The following UTP4 variants were observed in gnomAD, a reference collection of about 807,000 sequenced individuals.
UTP4 encodes U3 small nucleolar RNA-associated protein 4 homolog.
A neutral mutation model predicts 82.4 loss-of-function variants in UTP4; 45 were observed. The observed-to-expected ratio is 0.55, with a 90% CI of 0.43 to 0.70. The LOEUF is 0.70. Among genes scored for constraint, UTP4 ranks in the 30% least tolerant of loss-of-function variants. The pLI is 0.00. For missense variants in UTP4, 819 were observed against 858.3 expected (o/e 0.95, Z 0.57); for synonymous variants, 348 against 300.3 (o/e 1.16, Z -1.64).
chr16:69,166,831 T>C, intron 15 of UTP4: 1 of 532,224 alleles, frequency 1.9e-6, no homozygotes, highest in Non-Finnish European at 3.4e-6. Context: ...CTCTACAGTG[T>C]GGCTGCAAGA....
chr16:69,161,691 G>T (rs902291602), intron 13 of UTP4, among the ~76,000 whole-genome samples: 1 of 152,084 alleles, frequency 6.6e-6, no homozygotes, highest in Admixed American at 6.6e-5. Context: ...TTTGAGACAG[G>T]GTTTCACTCT....
At chr16:69,133,269 A>C (rs1962697046) in intron 1 of UTP4, among the ~76,000 whole-genome samples, 189 bp from the exon 2 acceptor site, 1 of 151,854 alleles carries the variant, frequency 6.6e-6, no homozygotes, top group Admixed American at 6.6e-5. Context: ...CTTATTATTC[A>C]AGCCATTCTG....
In UTP4 at chr16:69,143,140, T is replaced by G. The variant is rs748977517; in HGVS notation, c.527-38T>G. The G allele has an allele frequency of 1.4e-5, 23 of 1,600,326 alleles. No individual in the cohort carries two copies. The South Asian group carries it at 2.4e-4, about 17-fold the overall frequency. ...CAGGCAGATTTTGAAGACAGAGAAATAAGTACCATTTGAAGGTGTGCTTTT... is the reference window on the plus strand; with the variant it reads ...CAGGCAGATTTTGAAGACAGAGAAAGAAGTACCATTTGAAGGTGTGCTTTT... On this transcript the variant is annotated intron_variant, in intron 5 of 16. Transcript: ENST00000314423.
intron 14 of UTP4, among the ~76,000 whole-genome samples, chr16:69,164,362 C>CT (rs931501380): frequency 6.6e-6 from 1 of 151,930 alleles, no homozygotes; most frequent in African/African-American, 2.4e-5. Flanking sequence ...CACTTAGTCC[C>CT]TTAAGTGCTT....
intron 12 of UTP4, among the ~76,000 whole-genome samples, chr16:69,158,704 G>A (rs745754133): frequency 3.3e-5 from 5 of 152,030 alleles, no homozygotes; most frequent in African/African-American, 9.7e-5. Flanking sequence ...TAGTCAAAAT[G>A]GTTTCTTCAC....
intron 13 of UTP4, among the ~76,000 whole-genome samples, chr16:69,162,842 A>G (rs1379505967): frequency 6.6e-6 from 1 of 151,736 alleles, no homozygotes; most frequent in Non-Finnish European, 1.5e-5. Flanking sequence ...TGAGCTGATT[A>G]TCACGCCACT....
At chr16:69,142,673 C>A (rs1962991242) in intron 5 of UTP4, among the ~76,000 whole-genome samples, 1 of 152,186 alleles carries the variant, frequency 6.6e-6, no homozygotes, top group African/African-American at 2.4e-5. Context: ...TAAGTCAGTG[C>A]CACTACTTGT....
intron 6 of UTP4, among the ~76,000 whole-genome samples, chr16:69,145,308 T>A (rs1286486990): frequency 2.0e-5 from 3 of 152,106 alleles, no homozygotes; most frequent in African/African-American, 7.2e-5. Flanking sequence ...TCTCCCAGGC[T>A]GGAGTGCAGT....
intron 16 of UTP4, 152 bp downstream of exon 16, chr16:69,167,337 C>T: frequency 3.0e-6 from 2 of 668,986 alleles, no homozygotes; most frequent in South Asian, 3.3e-5. Context: ...GGCTGGCTGT[C>T]CCTTGTATAT....
At chr16:69,135,637 G>C (rs1962791436) in intron 2 of UTP4, among the ~76,000 whole-genome samples, 1 of 152,150 alleles carries the variant, frequency 6.6e-6, no homozygotes, top group Non-Finnish European at 1.5e-5. Flanking sequence ...GATCGCTTGA[G>C]CTCAGGAGGT....
At chr16:69,144,058 T>A (rs1027760435) in intron 6 of UTP4, among the ~76,000 whole-genome samples, 1 of 151,762 alleles carries the variant, frequency 6.6e-6, no homozygotes, top group Admixed American at 6.6e-5. Context: ...CAGCTAATTT[T>A]TATATTTTTA....
chr16:69,155,806 T>C, intron 10 of UTP4, 65 bp from the exon 11 acceptor site: 1 of 1,591,032 alleles, frequency 6.3e-7, no homozygotes, highest in African/African-American at 1.3e-5. Context: ...TGAGGCGTCA[T>C]GTCCCAGTGC....
chr16:69,155,628 T>C (rs1158177236), intron 10 of UTP4, among the ~76,000 whole-genome samples: 1 of 152,196 alleles, frequency 6.6e-6, no homozygotes, highest in African/African-American at 2.4e-5. Context: ...AGGCTATCTA[T>C]GAAGTATTCA....
chr16:69,165,680 T>C, intron 15 of UTP4, 154 bp downstream of exon 15: 1 of 736,192 alleles, frequency 1.4e-6, no homozygotes. Flanking sequence ...GGAGAGGGGC[T>C]TTTGTTTTAC....
At chr16:69,160,526 T>C (rs771492582) in intron 13 of UTP4, 64 bp downstream of exon 13, 1 of 1,188,682 alleles carries the variant, frequency 8.4e-7, no homozygotes, top group Non-Finnish European at 1.3e-6. Flanking sequence ...ACCCTGCAGT[T>C]ACAAGATTCA....
chr16:69,155,793 G>A, intron 10 of UTP4, 78 bp from the exon 11 acceptor site: 1 of 1,512,736 alleles, frequency 6.6e-7, no homozygotes, highest in Non-Finnish European at 9.2e-7. Context: ...AGTGGCAAGA[G>A]CTTGAGGCGT....
intron 4 of UTP4, among the ~76,000 whole-genome samples, chr16:69,139,360 T>A (rs1273886944): frequency 1.3e-5 from 2 of 151,940 alleles, no homozygotes; most frequent in Non-Finnish European, 2.9e-5. Flanking sequence ...GTGTCTCAGC[T>A]GGGCACGATG....
At chr16:69,155,106 A>G (rs761876069) in intron 10 of UTP4, among the ~76,000 whole-genome samples, 3 of 152,206 alleles carry the variant, frequency 2.0e-5, no homozygotes, top group Admixed American at 6.5e-5. Flanking sequence ...AACTACATAC[A>G]TGTTACATTC....
At chr16:69,146,963 C>G (rs1212118898) in intron 6 of UTP4, among the ~76,000 whole-genome samples, 2 of 144,220 alleles carry the variant, frequency 1.4e-5, no homozygotes, top group South Asian at 2.2e-4. Context: ...GATCGCGCCA[C>G]TGCACTCCAG....
Sources: gnomAD v4.1 joint callset for allele counts (sites outside exome capture counted in the v4.1 genomes callset) on GRCh38, gnomAD v4.1.1 for gene constraint, MANE v1.5 for transcripts, NCBI Gene and HGNC (gene_info 2026-07-23, HGNC 2026-07-21) for gene names.